The following LSAMP variants were observed in gnomAD, a reference collection of about 807,000 sequenced individuals.
LSAMP encodes the protein limbic system associated membrane protein.
A neutral mutation model predicts 38.6 loss-of-function variants in LSAMP; 7 were observed. The ratio of observed to expected loss-of-function variants is 0.18; its 90% CI spans 0.10 to 0.34. The LOEUF (loss-of-function observed/expected upper bound fraction) is 0.34, where lower values mean the gene tolerates loss of function less well. LSAMP is among the 10% of genes least tolerant of loss of function. The probability of loss-of-function intolerance (pLI) is 1.00; values close to 1 mark genes in which losing one functional copy is unlikely to be tolerated. For missense variants in LSAMP, 313 were observed against 420.0 expected (o/e 0.75, Z 2.23); for synonymous variants, 154 against 166.8 (o/e 0.92, Z 0.59).
chr3:116,164,641 AT>A (rs1709992208), intron 1 of LSAMP, among the ~76,000 whole-genome samples: 1 of 123,932 alleles, frequency 8.1e-6, no homozygotes, highest in Non-Finnish European at 1.7e-5. Context: ...ATATATATAT[AT>A]ATAATCCAAA....
At chr3:116,262,959 GA>G (rs2046842975) in intron 1 of LSAMP, among the ~76,000 whole-genome samples, 1 of 152,174 alleles carries the variant, frequency 6.6e-6, no homozygotes, top group African/African-American at 2.4e-5. Flanking sequence ...TCAGTGAGAA[GA>G]AGGTTAAAAA....
chr3:116,226,347 T>A (rs1174718848), intron 1 of LSAMP, among the ~76,000 whole-genome samples: 5 of 152,230 alleles, frequency 3.3e-5, no homozygotes, highest in Admixed American at 3.3e-4. Flanking sequence ...GCCATTTATT[T>A]CACTTCTACT....
At chr3:115,858,131 T>C (rs1935563117) in intron 3 of LSAMP, among the ~76,000 whole-genome samples, 1 of 133,110 alleles carries the variant, frequency 7.5e-6, no homozygotes, top group African/African-American at 2.8e-5. Context: ...CCTTCCGTCC[T>C]CCCATCTCTC....
chr3:116,143,048 TTATATCTA>T (rs1709408709), intron 1 of LSAMP, among the ~76,000 whole-genome samples: 1 of 149,510 alleles, frequency 6.7e-6, no homozygotes, highest in Non-Finnish European at 1.5e-5. Context: ...TATAACTACA[TTATATCTA>T]TATAATGTAT....
intron 1 of LSAMP, among the ~76,000 whole-genome samples, chr3:116,104,534 C>A (rs138935842): frequency 6.6e-6 from 1 of 152,140 alleles, no homozygotes; most frequent in Non-Finnish European, 1.5e-5. Context: ...AGATTAACAA[C>A]CTTGCACCAA....
intron 3 of LSAMP, among the ~76,000 whole-genome samples, chr3:115,915,793 C>T (rs187649275): frequency 9.9e-5 from 15 of 152,002 alleles, no homozygotes; most frequent in African/African-American, 2.4e-4. Context: ...CCACCACGCC[C>T]GGCTAATTTT....
At chr3:116,025,621 A>T (rs966452106) in intron 2 of LSAMP, among the ~76,000 whole-genome samples, 4 of 152,002 alleles carry the variant, frequency 2.6e-5, no homozygotes, top group Non-Finnish European at 5.9e-5. Context: ...TATTTCTGGT[A>T]TGAGAAATAA....
At chr3:116,146,517 T>C (rs1709494302) in intron 1 of LSAMP, among the ~76,000 whole-genome samples, 1 of 151,938 alleles carries the variant, frequency 6.6e-6, no homozygotes, top group Non-Finnish European at 1.5e-5. Flanking sequence ...GTTGACACCT[T>C]TTAGAAAAAG....
In LSAMP at chr3:116,385,752, C is replaced by T. The variant is rs142874647; in HGVS notation, c.155+59125G>A. Among the ~76,000 whole-genome samples, 1,349 of 152,166 alleles carry T rather than the reference C, an allele frequency of 8.9e-3. 14 individuals are homozygous for T. Among genetic ancestry groups the T allele is most frequent in the Non-Finnish European group, 0.013 (862 of 68,020 alleles). ...TCTAGTTACCATTTGGGAAATTGAA[C>T]ACAACAGGCAATTTAAAAGATAATG... is the stretch of plus-strand genomic sequence containing the variant. On this transcript the variant is annotated intron_variant, in intron 1 of 6. Transcript: ENST00000490035.
intron 1 of LSAMP, among the ~76,000 whole-genome samples, chr3:116,135,250 C>A (rs1002899978): frequency 1.3e-5 from 2 of 152,162 alleles, no homozygotes; most frequent in African/African-American, 2.4e-5. Flanking sequence ...CTTTTCATAT[C>A]AGTCCTAGAT....
At chr3:116,370,852 A>G (rs536512455) in intron 1 of LSAMP, among the ~76,000 whole-genome samples, 2 of 152,180 alleles carry the variant, frequency 1.3e-5, no homozygotes, top group African/African-American at 4.8e-5. Context: ...CTAAGAAAAA[A>G]CAGAGAAAAC....
chr3:116,225,796 C>A (rs2046336029), intron 1 of LSAMP, among the ~76,000 whole-genome samples: 1 of 150,618 alleles, frequency 6.6e-6, no homozygotes. Context: ...AAATCGTGAG[C>A]AAAAAGTGTT....
intron 1 of LSAMP, among the ~76,000 whole-genome samples, chr3:116,145,012 GAT>G (rs1709457726): frequency 6.6e-6 from 1 of 151,760 alleles, no homozygotes; most frequent in South Asian, 2.1e-4. Flanking sequence ...AAACTGAATT[GAT>G]ATTTCTTTTT....
Position 115,985,005 on chromosome 3 carries a change from T to G in LSAMP, c.514+34510A>C, listed in dbSNP as rs555722564. On this transcript the variant is annotated intron_variant, in intron 3 of 6. Transcript: ENST00000490035. Reference sequence around the variant, plus strand: ...GCTGGAAATACAGGCTAGGGTCAGATTGTAAAGGGCCTTGTAAGAAGCAAT... The same window carrying G: ...GCTGGAAATACAGGCTAGGGTCAGAGTGTAAAGGGCCTTGTAAGAAGCAAT... 2.6e-5 allele frequency among the ~76,000 whole-genome samples: 4 copies of G among 152,282 alleles called. No homozygotes were observed. In the South Asian group the frequency reaches 8.3e-4, roughly 32 times the overall value.
intron 1 of LSAMP, among the ~76,000 whole-genome samples, chr3:116,142,911 T>G (rs1221950736): frequency 2.0e-5 from 3 of 151,834 alleles, no homozygotes; most frequent in Non-Finnish European, 2.9e-5. Flanking sequence ...CTCGTTCATA[T>G]CCTGTGCTGT....
chr3:116,417,540 C>T (rs996301272), intron 1 of LSAMP, among the ~76,000 whole-genome samples: 3 of 152,214 alleles, frequency 2.0e-5, no homozygotes, highest in African/African-American at 7.2e-5. Flanking sequence ...GAGTAGGTTT[C>T]TTCCTTTGCT....
At chr3:115,837,339 A>T (rs1031141365) in intron 6 of LSAMP, among the ~76,000 whole-genome samples, 2 of 151,980 alleles carry the variant, frequency 1.3e-5, no homozygotes, top group African/African-American at 4.8e-5. Context: ...AAGCCTCAAA[A>T]GACCTTTATA....
chr3:115,847,493 T>C (rs1340198491), intron 4 of LSAMP, among the ~76,000 whole-genome samples: 2 of 151,950 alleles, frequency 1.3e-5, no homozygotes, highest in African/African-American at 4.8e-5. Context: ...ATTTGGTTGG[T>C]GATATGGTTT....
intron 1 of LSAMP, among the ~76,000 whole-genome samples, chr3:116,283,842 C>G (rs1311191896): frequency 2.0e-5 from 3 of 151,938 alleles, no homozygotes; most frequent in Non-Finnish European, 4.4e-5. Context: ...CCCATTTCTA[C>G]TAAAAATACA....
Sources: allele counts gnomAD v4.1 joint callset (sites outside exome capture counted in the v4.1 genomes callset), GRCh38; gene constraint gnomAD v4.1.1; transcripts MANE v1.5; gene names NCBI Gene and HGNC (gene_info 2026-07-23, HGNC 2026-07-21).